The following ALCAM variants were observed in gnomAD, a reference collection of about 807,000 sequenced individuals.
The protein encoded by ALCAM is CD166 antigen.
A neutral mutation model predicts 70.9 loss-of-function variants in ALCAM; 30 were observed. The ratio of observed to expected loss-of-function variants is 0.42; its 90% confidence interval spans 0.32 to 0.57. The LOEUF is 0.57. Among genes scored for constraint, ALCAM ranks in the 20% least tolerant of loss-of-function variants. The probability of loss-of-function intolerance (pLI) is 0.11; values close to 1 mark genes in which losing one functional copy is unlikely to be tolerated. For synonymous variants in ALCAM, 249 were observed against 242.5 expected (o/e 1.03, Z -0.25); for missense variants, 591 against 695.1 (o/e 0.85, Z 1.68).
chr3:105,534,630 G>A, intron 5 of ALCAM, 33 bp from the exon 6 acceptor site: 1 of 1,596,228 alleles, frequency 6.3e-7, no homozygotes, highest in Non-Finnish European at 8.6e-7. Context: ...TCAGATGAAA[G>A]ACCCTATCAT....
chr3:105,490,776 C>G (rs931540296), intron 1 of ALCAM, among the ~76,000 whole-genome samples: 3 of 152,194 alleles, frequency 2.0e-5, no homozygotes, highest in Non-Finnish European at 4.4e-5. Context: ...GGCAACCCTT[C>G]CCCTGTGGCT....
chr3:105,450,948 C>T (rs1004904720), intron 1 of ALCAM, among the ~76,000 whole-genome samples: 1 of 151,688 alleles, frequency 6.6e-6, no homozygotes, highest in Non-Finnish European at 1.5e-5. Context: ...TTAATCAATT[C>T]CAAACATGTA....
At chr3:105,418,504 GA>G (rs373781785) in intron 1 of ALCAM, among the ~76,000 whole-genome samples, 16 of 146,020 alleles carry the variant, frequency 1.1e-4, no homozygotes, top group East Asian at 4.0e-4. Flanking sequence ...TTAAAGCAAA[GA>G]AAAAAAAAAC....
intron 1 of ALCAM, among the ~76,000 whole-genome samples, chr3:105,495,924 A>G (rs1938724409): frequency 6.6e-6 from 1 of 152,246 alleles, no homozygotes; most frequent in African/African-American, 2.4e-5. Context: ...AACTTTCAAC[A>G]ATTGGCTGTT....
At chr3:105,460,067 A>G (rs1031379801) in intron 1 of ALCAM, among the ~76,000 whole-genome samples, 1 of 152,054 alleles carries the variant, frequency 6.6e-6, no homozygotes, top group Non-Finnish European at 1.5e-5. Flanking sequence ...GTGTTTGGGG[A>G]AGGAAGCAGT....
intron 1 of ALCAM, among the ~76,000 whole-genome samples, chr3:105,464,097 G>A (rs573101472): frequency 4.6e-5 from 7 of 151,272 alleles, no homozygotes; most frequent in South Asian, 4.2e-4. Flanking sequence ...GCATGGGACA[G>A]GGGACAATCA....
intron 1 of ALCAM, among the ~76,000 whole-genome samples, chr3:105,402,111 G>A (rs1375543983): frequency 6.6e-6 from 1 of 152,062 alleles, no homozygotes. Flanking sequence ...GTCAAGATAA[G>A]GCTTATACAG....
chr3:105,485,949 G>T (rs1341924581), intron 1 of ALCAM, among the ~76,000 whole-genome samples: 1 of 151,992 alleles, frequency 6.6e-6, no homozygotes, highest in East Asian at 1.9e-4. Context: ...TCAGAGTTAA[G>T]CAAGTACTTG....
intron 14 of ALCAM, among the ~76,000 whole-genome samples, chr3:105,565,903 A>G (rs1331433699): frequency 6.6e-6 from 1 of 152,176 alleles, no homozygotes; most frequent in African/African-American, 2.4e-5. Flanking sequence ...CTTCCAGCCA[A>G]GTATGATTTC....
At chr3:105,410,916 T>A (rs941695950) in intron 1 of ALCAM, among the ~76,000 whole-genome samples, 1 of 152,056 alleles carries the variant, frequency 6.6e-6, no homozygotes, top group Non-Finnish European at 1.5e-5. Flanking sequence ...AAAGTGTAAT[T>A]TTTCCCATTG....
chr3:105,516,039 C>T (rs9283550), intron 1 of ALCAM, among the ~76,000 whole-genome samples: 1 of 151,610 alleles, frequency 6.6e-6, no homozygotes, highest in Non-Finnish European at 1.5e-5. Context: ...ACTTCTTTTA[C>T]GGATGATGAT....
At chr3:105,433,178 A>G (rs921052489) in intron 1 of ALCAM, among the ~76,000 whole-genome samples, 1 of 152,138 alleles carries the variant, frequency 6.6e-6, no homozygotes, top group Non-Finnish European at 1.5e-5. Context: ...TTTTTCTGCT[A>G]TTGCCAGATG....
At chr3:105,504,289 A>C (rs992177550) in intron 1 of ALCAM, among the ~76,000 whole-genome samples, 3 of 152,178 alleles carry the variant, frequency 2.0e-5, no homozygotes, top group East Asian at 3.9e-4. Context: ...TTCGCCGTCT[A>C]TAGGCGGCTT....
intron 1 of ALCAM, among the ~76,000 whole-genome samples, chr3:105,455,025 A>G (rs1284730604): frequency 6.6e-6 from 1 of 150,738 alleles, no homozygotes; most frequent in Non-Finnish European, 1.5e-5. Context: ...ATGTGAAGAA[A>G]CTCTTGTTGA....
At chr3:105,521,342 A>ATCACTTC (rs1443850031) in intron 2 of ALCAM, among the ~76,000 whole-genome samples, 3 of 147,110 alleles carry the variant, frequency 2.0e-5, no homozygotes, top group Non-Finnish European at 3.0e-5. Context: ...AGTTTATTGC[A>ATCACTTC]TCACTTCTCG....
intron 1 of ALCAM, among the ~76,000 whole-genome samples, chr3:105,470,131 A>ATG (rs1293003063): frequency 3.2e-5 from 1 of 30,994 alleles, no homozygotes; most frequent in Non-Finnish European, 6.5e-5. Context: ...TGTTATATAC[A>ATG]TACACACACA....
At chr3:105,474,417 A>G (rs1401015154) in intron 1 of ALCAM, among the ~76,000 whole-genome samples, 1 of 151,566 alleles carries the variant, frequency 6.6e-6, no homozygotes, top group African/African-American at 2.4e-5. Context: ...ATGAGAATAT[A>G]TTTTTTCTGG....
At chr3:105,546,986 A>G (rs1205270665) in intron 9 of ALCAM, among the ~76,000 whole-genome samples, 163 bp from the exon 10 acceptor site, 2 of 151,506 alleles carry the variant, frequency 1.3e-5, no homozygotes, top group African/African-American at 4.8e-5. Context: ...CTAAAACAAC[A>G]AAAGAAAAAG....
intron 1 of ALCAM, among the ~76,000 whole-genome samples, chr3:105,505,270 C>T (rs1265718969): frequency 2.0e-5 from 3 of 152,116 alleles, no homozygotes; most frequent in African/African-American, 7.2e-5. Context: ...GTACAGGGAA[C>T]ACAGCTGAGG....
Sources: allele counts gnomAD v4.1 joint callset (sites outside exome capture counted in the v4.1 genomes callset), GRCh38; gene constraint gnomAD v4.1.1; transcripts MANE v1.5; gene names NCBI Gene and HGNC (gene_info 2026-07-23, HGNC 2026-07-21).